Variants in DRC11 observed in about 807,000 individuals in gnomAD.
DRC11 encodes the protein dynein regulatory complex subunit 11, also known as IQ and AAA domain-containing protein 1.
the DRC11 span, chr2:236,441,251 A>C: frequency 1.5e-6 from 1 of 667,776 alleles, no homozygotes; most frequent in Admixed American, 2.4e-5. Flanking sequence ...CTGTAGATCA[A>C]GGGCTGGGCA....
At chr2:236,359,037 C>T in the DRC11 span, among the ~76,000 whole-genome samples, 2 of 151,840 alleles carry the variant, frequency 1.3e-5, no homozygotes, top group Admixed American at 6.5e-5. This position sits in a 1 kb window ranked among gnomAD's most constrained non-coding sequence, Gnocchi z 4.3. Flanking sequence ...GTGAGAATGG[C>T]CCCCGCCCTC....
the DRC11 span, among the ~76,000 whole-genome samples, chr2:236,335,471 C>G: frequency 6.6e-6 from 1 of 152,168 alleles, no homozygotes; most frequent in Non-Finnish European, 1.5e-5. This position sits in a 1 kb window ranked among gnomAD's most constrained non-coding sequence, Gnocchi z 5.6. Flanking sequence ...TTATCATTTG[C>G]CCACAGGTGG....
At chr2:236,465,814 G>T in the DRC11 span, 1 of 716,756 alleles carries the variant, frequency 1.4e-6, no homozygotes, top group Non-Finnish European at 2.4e-6. This position sits in a 1 kb window ranked among gnomAD's most constrained non-coding sequence, Gnocchi z 6.2. Context: ...ATAGTGTCTA[G>T]CAAAGGCAAA....
At chr2:236,399,278 C>A in the DRC11 span, 2 of 763,456 alleles carry the variant, frequency 2.6e-6, no homozygotes, top group Admixed American at 4.5e-5. The surrounding 1 kb of genome is among the most constrained non-coding windows in gnomAD (Gnocchi z 7.0). Flanking sequence ...GCGCAAGCCA[C>A]CTCGCCTGGC....
the DRC11 span, among the ~76,000 whole-genome samples, chr2:236,394,214 A>C: frequency 6.6e-6 from 1 of 152,182 alleles, no homozygotes; most frequent in Non-Finnish European, 1.5e-5. The surrounding 1 kb of genome is among the most constrained non-coding windows in gnomAD (Gnocchi z 7.0). Flanking sequence ...AAGCAGGTGC[A>C]TGCCAGCAAA....
the DRC11 span, among the ~76,000 whole-genome samples, chr2:236,464,886 C>A: frequency 2.0e-5 from 3 of 152,180 alleles, no homozygotes; most frequent in Admixed American, 6.5e-5. Flanking sequence ...GACGTGCCTT[C>A]TCCTGCATCA....
the DRC11 span, among the ~76,000 whole-genome samples, chr2:236,422,846 A>C: frequency 6.6e-6 from 1 of 151,460 alleles, no homozygotes; most frequent in Non-Finnish European, 1.5e-5. Context: ...ACTGGTACCA[A>C]AACAGAGATA....
At chr2:236,344,455 G>T in the DRC11 span, 3 of 736,492 alleles carry the variant, frequency 4.1e-6, no homozygotes, top group African/African-American at 5.3e-5. Context: ...TTCCTTCCTC[G>T]CTTGAAAAGG....
the DRC11 span, among the ~76,000 whole-genome samples, chr2:236,449,673 G>C: frequency 6.6e-6 from 1 of 152,170 alleles, no homozygotes; most frequent in Non-Finnish European, 1.5e-5. The surrounding 1 kb of genome is among the most constrained non-coding windows in gnomAD (Gnocchi z 5.1). Flanking sequence ...ATCTCTGCTA[G>C]CCCCGCAGCA....
At chr2:236,492,394 C>A in the DRC11 span, among the ~76,000 whole-genome samples, 141 of 152,336 alleles carry the variant, frequency 9.3e-4, no homozygotes, top group South Asian at 4.1e-3. Flanking sequence ...CATTTCACCT[C>A]TCTTCTGAGG....
the DRC11 span, among the ~76,000 whole-genome samples, chr2:236,452,231 A>G: frequency 6.6e-6 from 1 of 152,226 alleles, no homozygotes; most frequent in East Asian, 1.9e-4. This position sits in a 1 kb window ranked among gnomAD's most constrained non-coding sequence, Gnocchi z 4.7. Flanking sequence ...AAATTCTTGC[A>G]CAAATGTGAA....
the DRC11 span, among the ~76,000 whole-genome samples, chr2:236,347,931 G>C: frequency 1.2e-4 from 18 of 151,860 alleles, no homozygotes; most frequent in Admixed American, 1.2e-3. Flanking sequence ...CAGTGGACTC[G>C]AGGAGCTAGT....
chr2:236,485,211 T>C, the DRC11 span, among the ~76,000 whole-genome samples: 1 of 152,116 alleles, frequency 6.6e-6, no homozygotes, highest in Admixed American at 6.6e-5. Context: ...GGTCACTGTA[T>C]ACTGTGTATA....
chr2:236,389,169 T>A, the DRC11 span, among the ~76,000 whole-genome samples: 5 of 152,348 alleles, frequency 3.3e-5, no homozygotes, highest in East Asian at 9.7e-4. Flanking sequence ...GCACGCCTCC[T>A]TGAGCTGTGG....
At chr2:236,462,716 G>A in the DRC11 span, among the ~76,000 whole-genome samples, 4 of 151,982 alleles carry the variant, frequency 2.6e-5, no homozygotes, top group Non-Finnish European at 5.9e-5. The surrounding 1 kb of genome is among the most constrained non-coding windows in gnomAD (Gnocchi z 6.4). Context: ...GGTATGAAAC[G>A]GTGTGCCTGG....
chr2:236,505,138 G>C, the DRC11 span, among the ~76,000 whole-genome samples: 1 of 152,192 alleles, frequency 6.6e-6, no homozygotes, highest in Admixed American at 6.5e-5. Context: ...ATATGACTTA[G>C]AGATATGACA....
the DRC11 span, chr2:236,441,032 A>C: frequency 6.8e-7 from 1 of 1,476,220 alleles, no homozygotes; most frequent in Non-Finnish European, 9.3e-7. Context: ...TCTCAAGCAT[A>C]TTTGTACCTG....
At chr2:236,388,399 C>T in the DRC11 span, among the ~76,000 whole-genome samples, 1 of 149,790 alleles carries the variant, frequency 6.7e-6, no homozygotes, top group African/African-American at 2.5e-5. Flanking sequence ...CTTCTCGCTT[C>T]ATTTCATTCA....
At chr2:236,445,537 A>T in the DRC11 span, among the ~76,000 whole-genome samples, 4 of 151,082 alleles carry the variant, frequency 2.6e-5, no homozygotes, top group Non-Finnish European at 5.9e-5. The surrounding 1 kb of genome is among the most constrained non-coding windows in gnomAD (Gnocchi z 4.8). Flanking sequence ...ATAGGGCTTC[A>T]CCATGCTGGC....
Sources: allele counts gnomAD v4.1 joint callset (sites outside exome capture counted in the v4.1 genomes callset), GRCh38; gene constraint gnomAD v4.1.1; non-coding constraint Gnocchi (gnomAD v3.1); transcripts MANE v1.5; gene names NCBI Gene and HGNC (gene_info 2026-07-23, HGNC 2026-07-21).